The following FARP1 variants were observed in gnomAD, a reference collection of about 807,000 sequenced individuals.
FARP1 encodes the protein FERM, ARH/RhoGEF and pleckstrin domain protein 1.
FARP1 carries 52 observed loss-of-function variants against 128.8 expected under a neutral mutation model. The observed-to-expected ratio is 0.40, with a 90% CI of 0.32 to 0.51. The LOEUF is 0.51. Among genes scored for constraint, FARP1 ranks in the 20% least tolerant of loss-of-function variants. The pLI is 0.45. For synonymous variants in FARP1, 580 were observed against 551.8 expected (o/e 1.05, Z -0.72); for missense variants, 1,333 against 1,367.9 (o/e 0.97, Z 0.40).
chr13:98,159,500 T>A (rs1292844477), intron 1 of FARP1: 1 of 151,192 alleles, frequency 6.6e-6, no homozygotes, highest in Non-Finnish European at 1.5e-5. Flanking sequence ...AGATGGAGTC[T>A]TGCTCTTGTT....
intron 2 of FARP1, among the ~76,000 whole-genome samples, chr13:98,282,775 C>T (rs1884992199): frequency 6.6e-6 from 1 of 152,112 alleles, no homozygotes; most frequent in Non-Finnish European, 1.5e-5. Flanking sequence ...GCGGCACGTG[C>T]CTGTAGTCCC....
chr13:98,174,839 C>A (rs1480384291), intron 1 of FARP1, among the ~76,000 whole-genome samples: 1 of 152,132 alleles, frequency 6.6e-6, no homozygotes, highest in Non-Finnish European at 1.5e-5. Flanking sequence ...GAAACTGAGG[C>A]ACAGAGAGGT....
At chr13:98,177,167 T>G (rs1594234410) in intron 1 of FARP1, 2 of 1,607,404 alleles carry the variant, frequency 1.2e-6, no homozygotes, top group South Asian at 1.1e-5. Context: ...CGTCCAGGCT[T>G]TTTGAAGAGG....
rs563545604 is a variant in FARP1 at position 98,437,407 on chromosome 13, A to G, written c.2275-1397A>G. Among the ~76,000 whole-genome samples the G allele has an allele frequency of 3.3e-5, 5 of 152,128 alleles. 1 individual carries two copies. The highest frequency in any genetic ancestry group is 1.2e-4 in the African/African-American group (5 of 41,372). ...TGCAGGCGGTAAGAATTATTTACGA[A>G]GACAGTTATAGATAAAGAAAGGCAG... On this transcript the variant is annotated intron_variant, in intron 19 of 26. Transcript: ENST00000319562.
chr13:98,262,908 C>T (rs1455903998), intron 2 of FARP1, among the ~76,000 whole-genome samples: 4 of 152,110 alleles, frequency 2.6e-5, no homozygotes, highest in Non-Finnish European at 5.9e-5. Context: ...TTGACTGTAA[C>T]ATTTATAAAG....
chr13:98,372,909 C>T (rs151267928), intron 5 of FARP1, among the ~76,000 whole-genome samples: 24 of 152,276 alleles, frequency 1.6e-4, no homozygotes, highest in African/African-American at 5.3e-4. Flanking sequence ...CTCTAGCTCG[C>T]GTGAGACTGA....
chr13:98,191,911 C>T (rs1879253206), intron 1 of FARP1, among the ~76,000 whole-genome samples: 2 of 152,114 alleles, frequency 1.3e-5, no homozygotes, highest in African/African-American at 4.8e-5. Flanking sequence ...CCACTGCACT[C>T]CAGCCTGGGT....
At chr13:98,319,624 A>G (rs1463179287) in intron 2 of FARP1, among the ~76,000 whole-genome samples, 1 of 152,238 alleles carries the variant, frequency 6.6e-6, no homozygotes, top group Non-Finnish European at 1.5e-5. Flanking sequence ...TGTCTCAGAA[A>G]AGAATGAGTT....
chr13:98,167,776 T>C (rs1275977687), intron 1 of FARP1, among the ~76,000 whole-genome samples: 1 of 152,208 alleles, frequency 6.6e-6, no homozygotes. Context: ...AAAGTCTACA[T>C]TGACTCAAGT....
intron 3 of FARP1, among the ~76,000 whole-genome samples, chr13:98,350,422 C>T (rs1165346091): frequency 6.6e-6 from 1 of 152,152 alleles, no homozygotes; most frequent in Non-Finnish European, 1.5e-5. Flanking sequence ...TACAGTGTCC[C>T]CCGTTACTGA....
intron 12 of FARP1, 127 bp downstream of exon 12, chr13:98,393,845 T>G: frequency 1.4e-6 from 1 of 716,994 alleles, no homozygotes; most frequent in Non-Finnish European, 2.5e-6. Flanking sequence ...GATGAGAATC[T>G]GATTATGGGC....
chr13:98,292,062 T>C (rs679363), intron 2 of FARP1, among the ~76,000 whole-genome samples: 72,755 of 152,142 alleles, frequency 0.48, 18,022 homozygotes, highest in African/African-American at 0.62. Context: ...TGTAATTATC[T>C]TCCTCTGCAG....
At chr13:98,208,551 CAG>C (rs1465654929) in intron 1 of FARP1, 1 of 152,198 alleles carries the variant, frequency 6.6e-6, no homozygotes, top group Non-Finnish European at 1.5e-5. Flanking sequence ...CTGAGACAGA[CAG>C]TGTTAGCTCC....
chr13:98,281,787 T>G (rs573939563), intron 2 of FARP1, among the ~76,000 whole-genome samples: 17 of 152,326 alleles, frequency 1.1e-4, no homozygotes, highest in African/African-American at 4.1e-4. Flanking sequence ...AATTATCTGG[T>G]ACCCTTGATT....
Position 98,213,239 on chromosome 13 carries a change from C to T in FARP1, c.-4C>T, listed in dbSNP as rs376201437. On this transcript the variant is annotated 5_prime_UTR_variant, in exon 2 of 27. Coordinates refer to ENST00000319562, the MANE Select transcript of FARP1 (RefSeq NM_005766.4). ...CTGCAGATATTCTCTAAGCCGCTTTCATCATGGGAGAAATAGAGCAGAGGC... is the reference window on the plus strand; with the variant it reads ...CTGCAGATATTCTCTAAGCCGCTTTTATCATGGGAGAAATAGAGCAGAGGC... The T allele has an allele frequency of 1.9e-6, 3 of 1,610,894 alleles. No homozygotes were observed. Among genetic ancestry groups the T allele is most frequent in the Non-Finnish European group, 2.5e-6 (3 of 1,179,158 alleles).
intron 2 of FARP1, chr13:98,333,899 CT>C (rs1448793473): frequency 6.6e-6 from 1 of 152,106 alleles, no homozygotes; most frequent in Non-Finnish European, 1.5e-5. Flanking sequence ...ATCCAGTCTG[CT>C]GTTCAGCTTT....
intron 23 of FARP1, among the ~76,000 whole-genome samples, chr13:98,440,450 C>CCCTT (rs145107071): frequency 0.11 from 16,356 of 152,140 alleles, 1,246 homozygotes; most frequent in African/African-American, 0.21. Context: ...CCGGCATTTA[C>CCCTT]CCTTGTCCAG....
intron 2 of FARP1, among the ~76,000 whole-genome samples, chr13:98,339,743 A>G (rs9300477): frequency 0.088 from 13,288 of 151,734 alleles, 944 homozygotes; most frequent in African/African-American, 0.2. Context: ...GTCATTTTCT[A>G]TAAACATTTT....
chr13:98,257,656 G>T (rs1332962523), intron 2 of FARP1, among the ~76,000 whole-genome samples: 1 of 152,180 alleles, frequency 6.6e-6, no homozygotes, highest in Non-Finnish European at 1.5e-5. Context: ...TGTAATCCTA[G>T]CTACTTGGGA....
Sources: gnomAD v4.1 joint callset for allele counts (sites outside exome capture counted in the v4.1 genomes callset) on GRCh38, gnomAD v4.1.1 for gene constraint, MANE v1.5 for transcripts, NCBI Gene and HGNC (gene_info 2026-07-23, HGNC 2026-07-21) for gene names.